The following FAM178B variants were observed in gnomAD, a reference collection of about 807,000 sequenced individuals.
FAM178B encodes the protein protein FAM178B.
FAM178B carries 82 observed loss-of-function variants against 91.7 expected under a neutral mutation model. The ratio of observed to expected loss-of-function variants is 0.89; its 90% confidence interval spans 0.75 to 1.07. The LOEUF is 1.07. Ranked by LOEUF, FAM178B falls within the 50% of genes least tolerant of loss-of-function variation. The pLI, the probability that FAM178B is intolerant of heterozygous loss-of-function variation, is 0.00. For synonymous variants in FAM178B, 368 were observed against 359.4 expected (o/e 1.02, Z -0.27); for missense variants, 769 against 846.7 (o/e 0.91, Z 1.14).
At chr2:96,907,528 G>A (rs13422315) in intron 12 of FAM178B, among the ~76,000 whole-genome samples, 3,936 of 152,264 alleles carry the variant, frequency 0.026, 161 homozygotes, top group African/African-American at 0.086. Flanking sequence ...CAGCCCTGGC[G>A]TGCACCAGCC....
chr2:96,930,296 C>A (rs149916666), intron 8 of FAM178B, among the ~76,000 whole-genome samples: 15 of 147,832 alleles, frequency 1.0e-4, no homozygotes, highest in African/African-American at 3.7e-4. Flanking sequence ...GTACTCAGGG[C>A]CTTTTTTTCT....
intron 14 of FAM178B, among the ~76,000 whole-genome samples, chr2:96,892,600 C>T (rs892216798): frequency 2.0e-5 from 3 of 152,194 alleles, no homozygotes; most frequent in Non-Finnish European, 4.4e-5. Flanking sequence ...ATGTCTTCTG[C>T]CACCTGGATA....
chr2:96,880,566 T>C (rs2080354415), intron 14 of FAM178B, among the ~76,000 whole-genome samples: 1 of 152,234 alleles, frequency 6.6e-6, no homozygotes, highest in Non-Finnish European at 1.5e-5. Context: ...TGTGTACTCA[T>C]ACAAGGAGAA....
chr2:96,981,912 G>A (rs370304521), intron 1 of FAM178B, among the ~76,000 whole-genome samples: 11 of 151,582 alleles, frequency 7.3e-5, no homozygotes, highest in South Asian at 6.3e-4. Flanking sequence ...ACAAAAAAAC[G>A]CAAAAATTAG....
intron 13 of FAM178B, chr2:96,898,022 C>G (rs2080856389): frequency 1.0e-6 from 1 of 985,424 alleles, no homozygotes; most frequent in Admixed American, 6.1e-5. Flanking sequence ...AGATACAGAG[C>G]CCAGCAGCTT....
At chr2:96,957,624 C>T (rs1470283811) in intron 6 of FAM178B, among the ~76,000 whole-genome samples, 1 of 152,246 alleles carries the variant, frequency 6.6e-6, no homozygotes, top group Non-Finnish European at 1.5e-5. Flanking sequence ...CACTCTAGGA[C>T]AGAAAACCTG....
At chr2:96,893,098 G>T (rs149119361) in intron 14 of FAM178B, among the ~76,000 whole-genome samples, 2 of 152,276 alleles carry the variant, frequency 1.3e-5, no homozygotes, top group African/African-American at 2.4e-5. Context: ...ATGCCCAAAG[G>T]TTGGACTTCT....
intron 12 of FAM178B, among the ~76,000 whole-genome samples, chr2:96,908,294 T>C (rs1248958529): frequency 6.6e-6 from 1 of 152,198 alleles, no homozygotes; most frequent in African/African-American, 2.4e-5. Flanking sequence ...CCCGTCTATA[T>C]ATAACCACGC....
intron 8 of FAM178B, among the ~76,000 whole-genome samples, chr2:96,936,391 C>CA (rs1272314151): frequency 6.6e-6 from 1 of 151,356 alleles, no homozygotes; most frequent in East Asian, 2.0e-4. Context: ...TTAGTAGAGA[C>CA]GGGGTTTCAC....
chr2:96,974,169 T>C (rs1574321984), intron 1 of FAM178B, among the ~76,000 whole-genome samples: 1 of 150,932 alleles, frequency 6.6e-6, no homozygotes, highest in South Asian at 2.1e-4. Flanking sequence ...GATCATGAGG[T>C]CAGGAGATCG....
chr2:96,883,296 C>G (rs1002830328), intron 14 of FAM178B, among the ~76,000 whole-genome samples: 10 of 152,374 alleles, frequency 6.6e-5, no homozygotes, highest in Non-Finnish European at 2.9e-5. Flanking sequence ...GTGGACATTT[C>G]CCAGGAACTT....
Position 96,958,313 on chromosome 2 carries a change from G to A in FAM178B, c.887+1975C>T, listed in dbSNP as rs946443482. Reference sequence around the variant, plus strand: ...TCTCGATCTCCTGACCTCATGATCCGCCCGCCTCGGCCTCCCAAAGTGTTG... The same window carrying A: ...TCTCGATCTCCTGACCTCATGATCCACCCGCCTCGGCCTCCCAAAGTGTTG... On this transcript the variant is annotated intron_variant, in intron 6 of 16. Coordinates refer to ENST00000490605, the MANE Select transcript of FAM178B (RefSeq NM_001122646.3). Among the ~76,000 whole-genome samples, 7 of 152,150 alleles carry A rather than the reference G, an allele frequency of 4.6e-5. No homozygotes were observed. The East Asian group carries it at 5.8e-4, about 13-fold the overall frequency.
intron 6 of FAM178B, among the ~76,000 whole-genome samples, chr2:96,956,283 CAT>C (rs1237033814): frequency 6.6e-6 from 1 of 152,236 alleles, no homozygotes; most frequent in Non-Finnish European, 1.5e-5. Flanking sequence ...GTCATAATGA[CAT>C]GTGACTGTGG....
intron 12 of FAM178B, among the ~76,000 whole-genome samples, chr2:96,906,055 G>A (rs775751826): frequency 6.8e-6 from 1 of 146,866 alleles, no homozygotes; most frequent in Non-Finnish European, 1.5e-5. Flanking sequence ...ATTTTTAGTA[G>A]AGACGGGGTT....
intron 3 of FAM178B, 144 bp from the exon 4 acceptor site, chr2:96,970,921 A>G: frequency 7.2e-6 from 5 of 690,618 alleles, no homozygotes; most frequent in Non-Finnish European, 1.2e-5. Context: ...AAAAATCAAA[A>G]AGTATAAAGG....
At position 96,958,639 on chromosome 2, in the gene FAM178B, G is replaced by A. The variant is rs556280051; in HGVS notation, c.887+1649C>T. ...AGAGGGGCGGAGGTTGCAGTGAGCC[G>A]AGATGGCGCCACTGCACTCCAGCCT... On this transcript the variant is annotated intron_variant, in intron 6 of 16. Coordinates refer to ENST00000490605, the MANE Select transcript of FAM178B (RefSeq NM_001122646.3). Among the ~76,000 whole-genome samples, 10 of 138,208 alleles carry A rather than the reference G, an allele frequency of 7.2e-5. No homozygotes were observed. The South Asian group carries it at 7.3e-4, about 10-fold the overall frequency. The allele number at this position is 138,208 out of a possible 152,430, so 90.7% of individuals were successfully genotyped here. A position where few individuals can be genotyped will look rare whatever the true frequency, so the allele number is the denominator to read the frequency against.
chr2:96,946,278 G>C (rs532947617), intron 8 of FAM178B, among the ~76,000 whole-genome samples: 1 of 152,074 alleles, frequency 6.6e-6, no homozygotes, highest in African/African-American at 2.4e-5. Flanking sequence ...ATATTCCACT[G>C]TATGTATGTA....
chr2:96,906,629 T>C (rs1290242170), intron 12 of FAM178B, among the ~76,000 whole-genome samples: 1 of 152,100 alleles, frequency 6.6e-6, no homozygotes, highest in Non-Finnish European at 1.5e-5. Flanking sequence ...ATGGGATAAC[T>C]AACAGAAGCC....
intron 5 of FAM178B, among the ~76,000 whole-genome samples, chr2:96,962,174 C>T (rs1400283925): frequency 1.3e-5 from 2 of 152,040 alleles, no homozygotes; most frequent in African/African-American, 2.4e-5. Flanking sequence ...TGGTAGCCGG[C>T]ACCTGTAATC....
Sources: gnomAD v4.1 joint callset for allele counts (sites outside exome capture counted in the v4.1 genomes callset) on GRCh38, gnomAD v4.1.1 for gene constraint, MANE v1.5 for transcripts, NCBI Gene and HGNC (gene_info 2026-07-23, HGNC 2026-07-21) for gene names.